UGT2B10: variants seen among roughly 807,000 people sequenced by gnomAD.
UGT2B10 encodes the protein UDP-glucuronosyltransferase 2B10.
Under a neutral mutation model 43.7 loss-of-function variants are expected in UGT2B10, and 51 were observed. The observed-to-expected ratio is 1.17, with a 90% CI of 0.93 to 1.47. UGT2B10 has a LOEUF of 1.47. UGT2B10 is among the 40% of genes most tolerant of loss of function. The pLI, the probability that UGT2B10 is intolerant of heterozygous loss-of-function variation, is 0.00. For synonymous variants in UGT2B10, 225 were observed against 209.0 expected (o/e 1.08, Z -0.66); for missense variants, 696 against 617.7 (o/e 1.13, Z -1.34).
intron 2 of UGT2B10, among the ~76,000 whole-genome samples, chr4:68,818,789 C>G (rs1445681322): frequency 6.6e-6 from 1 of 151,534 alleles, no homozygotes; most frequent in African/African-American, 2.4e-5. Context: ...TTCTCAAGTC[C>G]TCAGGTTTAG....
At position 68,828,511 on chromosome 4, in the gene UGT2B10, A is replaced by G. The variant is rs115588963; in HGVS notation, c.1307+963A>G. ...GAAGATGGGAAATAATTGAATAGAA[A>G]CACAAACCAACTTGGACAAATAGAA... On this transcript the variant is annotated intron_variant, in intron 5 of 5. Transcript: ENST00000265403. Among the ~76,000 whole-genome samples the G allele has an allele frequency of 6.4e-3, 973 of 152,124 alleles. 16 individuals carry two copies. Among genetic ancestry groups the G allele is most frequent in the African/African-American group, 0.022 (931 of 41,570 alleles).
Position 68,821,797 on chromosome 4 carries a change from T to G in UGT2B10, c.868-474T>G, listed in dbSNP as rs551402388. On this transcript the variant is annotated intron_variant, in intron 2 of 5. Coordinates refer to ENST00000265403, the MANE Select transcript of UGT2B10 (RefSeq NM_001075.6). ...AGTAGCTTTTCCTCAGTACTCATAG[T>G]TAGGGAAGTAAACCACTAATGGCTT... Among the ~76,000 whole-genome samples the G allele has an allele frequency of 5.3e-5, 8 of 152,292 alleles. No homozygotes were observed. In the East Asian group the frequency reaches 1.4e-3, roughly 26 times the overall value.
Position 68,822,349 on chromosome 4 carries a change from A to C in UGT2B10, c.946A>C (p.Thr316Pro). The change falls in exon 3 of 6, where the codon ACA becomes CCA. Residue 316 changes from threonine (T) to proline (P), a missense_variant. Physicochemically the swap from Thr to Pro is conservative, Grantham distance 38. Transcript: ENST00000265403. Reference sequence around the variant, plus strand: ...TCTGGGGTCAATGGTCAGTAACATGACAGAAGAAAGGGCCAACGTAATTGC... The same window carrying C: ...TCTGGGGTCAATGGTCAGTAACATGCCAGAAGAAAGGGCCAACGTAATTGC... ...FSLGSMVSNM[T>P]EERANVIATA... 1 of 1,613,804 alleles carries C rather than the reference A, an allele frequency of 6.2e-7. No homozygotes were observed. Among genetic ancestry groups the C allele is most frequent in the Non-Finnish European group, 8.5e-7 (1 of 1,179,844 alleles).
At chr4:68,818,886 C>T (rs1307379655) in intron 2 of UGT2B10, among the ~76,000 whole-genome samples, 1 of 151,904 alleles carries the variant, frequency 6.6e-6, no homozygotes, top group Admixed American at 6.6e-5. Flanking sequence ...TTATTAAGAA[C>T]ATTGAAAACA....
chr4:68,826,324 T>G (rs1578271662), intron 3 of UGT2B10, 86 bp from the exon 4 acceptor site: 4 of 1,415,328 alleles, frequency 2.8e-6, no homozygotes, highest in African/African-American at 2.9e-5. Flanking sequence ...CATCCCTTGA[T>G]TTCATTTCTA....
At chr4:68,818,203 T>A (rs1169460437) in intron 2 of UGT2B10, 26 bp downstream of exon 2, 1 of 1,603,890 alleles carries the variant, frequency 6.2e-7, no homozygotes, top group African/African-American at 1.3e-5. Flanking sequence ...TTGGTTTTAT[T>A]TTGTTGGCTT....
rs587746978 is a variant in UGT2B10, at chr4:68,822,288, A to G, written c.885A>G (p.Val295=). 1.9e-6 allele frequency: 3 copies of G among 1,612,678 alleles called. No homozygotes were observed. The South Asian group carries it at 3.3e-5, about 18-fold the overall frequency. The change falls in exon 3 of 6, where the codon GTA becomes GTG. Residue 295 remains valine, a synonymous_variant. Transcript: ENST00000265403. ...TCCCACAGGAAATGGAGGAGTTTGT[A>G]CAGAGCTCTGGAGAAAATGGTGTTG... The part of the protein sequence containing the change: ...KPLPKEMEEF[V]QSSGENGVVV...
chr4:68,824,099 A>C (rs2109695491), intron 3 of UGT2B10, among the ~76,000 whole-genome samples: 1 of 152,328 alleles, frequency 6.6e-6, no homozygotes. Flanking sequence ...CATGCAGTTT[A>C]GGTTTGCCAT....
rs1738071310 is a variant in UGT2B10 at position 68,830,981 on chromosome 4, A to G, written c.*102A>G. 6.8e-7 allele frequency: 1 copy of G among 1,464,518 alleles called. No homozygotes were observed. The highest frequency in any genetic ancestry group is 2.4e-5 in the Admixed American group (1 of 40,838). 90.7% of individuals were successfully genotyped at this position (1,464,518 alleles called of 1,614,324 possible). A position where few individuals can be genotyped will look rare whatever the true frequency, so the allele number is the denominator to read the frequency against. The stretch of plus-strand genomic sequence containing the variant: ...GCAAGATTTCTTTCTTCCTGTGACA[A>G]AAAAAAATCCTTTCGAAGTCTACCT... On this transcript the variant is annotated 3_prime_UTR_variant, in exon 6 of 6. Coordinates refer to ENST00000265403, the MANE Select transcript of UGT2B10 (RefSeq NM_001075.6).
intron 3 of UGT2B10, 133 bp downstream of exon 3, chr4:68,822,535 A>G: frequency 3.9e-6 from 6 of 1,546,450 alleles, no homozygotes; most frequent in Non-Finnish European, 5.2e-6. Context: ...ATGCTTGTAT[A>G]GCATCCACTG....
Position 68,827,476 on chromosome 4 carries a change from T to G in UGT2B10, c.1235T>G (p.Val412Gly). The G allele has an allele frequency of 6.2e-7, 1 of 1,613,518 alleles. No homozygotes were observed. The highest frequency in any genetic ancestry group is 8.5e-7 in the Non-Finnish European group (1 of 1,179,612). The change falls in exon 5 of 6, where the codon GTT becomes GGT. Residue 412 changes from valine to glycine, a missense_variant. Physicochemically the swap from Val to Gly is moderately radical, Grantham distance 109 (BLOSUM62 -3). Coordinates refer to ENST00000265403, the MANE Select transcript of UGT2B10 (RefSeq NM_001075.6). ...IAHMKAKGAA[V>G]RVDFNTMSST... ...CACATGAAGGCCAAGGGAGCAGCTGTTAGAGTGGACTTCAACACAATGTCG... is the reference window on the plus strand; with the variant it reads ...CACATGAAGGCCAAGGGAGCAGCTGGTAGAGTGGACTTCAACACAATGTCG...
intron 5 of UGT2B10, among the ~76,000 whole-genome samples, chr4:68,828,169 T>A (rs1465570584): frequency 6.6e-6 from 1 of 152,078 alleles, no homozygotes; most frequent in Non-Finnish European, 1.5e-5. Context: ...CCAATTTGTT[T>A]TCTTTCTCTA....
Position 68,822,414 on chromosome 4 carries a change from T to G in UGT2B10, c.999+12T>G. 1 of 1,613,068 alleles carries G rather than the reference T, an allele frequency of 6.2e-7. No individual in the cohort carries two copies. Among genetic ancestry groups the G allele is most frequent in the Non-Finnish European group, 8.5e-7 (1 of 1,179,588 alleles). On this transcript the variant is annotated intron_variant, in intron 3 of 5. Transcript: ENST00000265403. Reference sequence around the variant, plus strand: ...AGATCCCACAAAAGGTAAGATAAAGTGCCTTACTGGTGTGGAAAACTACTG... The same window carrying G: ...AGATCCCACAAAAGGTAAGATAAAGGGCCTTACTGGTGTGGAAAACTACTG...
intron 4 of UGT2B10, 142 bp from the exon 5 acceptor site, chr4:68,827,187 C>T: frequency 7.4e-7 from 1 of 1,355,078 alleles, no homozygotes. Flanking sequence ...ACACAAGTAC[C>T]TGTTTTTTCC....
chr4:68,822,285 T>C lies in UGT2B10; in HGVS notation c.882T>C (p.Phe294=), dbSNP rs1737542313. 2 of 1,612,228 alleles carry C rather than the reference T, an allele frequency of 1.2e-6. No individual in the cohort carries two copies. The highest frequency in any genetic ancestry group is 8.5e-7 in the Non-Finnish European group (1 of 1,179,652). ...AKPLPKEMEE[F]VQSSGENGVV... ...TTTTCCCACAGGAAATGGAGGAGTT[T>C]GTACAGAGCTCTGGAGAAAATGGTG... Residue 294 remains phenylalanine (F), a synonymous_variant, in exon 3 of 6, where the codon TTT becomes TTC. Transcript: ENST00000265403.
chr4:68,830,452 A>G, intron 5 of UGT2B10, 148 bp from the exon 6 acceptor site: 3 of 1,065,922 alleles, frequency 2.8e-6, no homozygotes, highest in Non-Finnish European at 3.7e-6. Context: ...ACTTTGTATG[A>G]TGACTCAAAT....
chr4:68,816,053 C>T lies in UGT2B10; in HGVS notation c.34C>T (p.Gln12Ter), dbSNP rs1451913161. 1 of 1,612,780 alleles carries T rather than the reference C, an allele frequency of 6.2e-7. No individual in the cohort carries two copies. Among genetic ancestry groups the T allele is most frequent in the East Asian group, 2.2e-5 (1 of 44,818 alleles). Residue 12 changes from glutamine to a stop codon, truncating the protein, a stop_gained, in exon 1 of 6, where the codon CAA becomes TAA. Coordinates refer to ENST00000265403, the MANE Select transcript of UGT2B10 (RefSeq NM_001075.6). LOFTEE classifies it high-confidence loss of function. Reference protein sequence around the residue: ...ALKWTTVLLIQLSFYFSSGSC... With the variant: ...ALKWTTVLLI The stretch of plus-strand genomic sequence containing the variant: ...GAAATGGACTACAGTTCTGCTGATA[C>T]AACTCAGTTTTTACTTTAGCTCTGG...
chr4:68,822,190 A>G (rs1560416592), intron 2 of UGT2B10, 81 bp from the exon 3 acceptor site: 7 of 1,555,042 alleles, frequency 4.5e-6, no homozygotes, highest in Non-Finnish European at 6.1e-6. Flanking sequence ...TTCTCTCTTT[A>G]ATATTTTGTA....
chr4:68,823,569 A>G (rs980087892), intron 3 of UGT2B10, among the ~76,000 whole-genome samples: 1 of 152,154 alleles, frequency 6.6e-6, no homozygotes, highest in Non-Finnish European at 1.5e-5. Context: ...TAGAAGTTTT[A>G]CTTTTATAAA....
Sources: allele counts gnomAD v4.1 joint callset (sites outside exome capture counted in the v4.1 genomes callset), GRCh38; gene constraint gnomAD v4.1.1; transcripts MANE v1.5; gene names NCBI Gene and HGNC (gene_info 2026-07-23, HGNC 2026-07-21).